CCDC47: variants seen among roughly 807,000 people sequenced by gnomAD.
The protein encoded by CCDC47 is coiled-coil domain containing 47, also known as PAT complex subunit CCDC47.
A neutral mutation model predicts 60.5 loss-of-function variants in CCDC47; 41 were observed. That is an observed-to-expected ratio of 0.68 (90% CI 0.53 to 0.88). The LOEUF is 0.88. CCDC47 is among the 40% of genes least tolerant of loss of function. The pLI, the probability that CCDC47 is intolerant of heterozygous loss-of-function variation, is 0.00. For synonymous variants in CCDC47, 195 were observed against 190.7 expected (o/e 1.02, Z -0.18); for missense variants, 513 against 580.9 (o/e 0.88, Z 1.20).
chr17:63,756,478 C>A lies in CCDC47; in HGVS notation c.828G>T (p.Met276Ile). 1 of 1,613,410 alleles carries A rather than the reference C, an allele frequency of 6.2e-7. No homozygotes were observed. The highest frequency in any genetic ancestry group is 8.5e-7 in the Non-Finnish European group (1 of 1,179,300). ...RKALVRLQKE[M>I]QDLSEFCSDK... The stretch of plus-strand genomic sequence containing the variant: ...GAGCAACCTGACATACCAAATCCTG[C>A]ATCTCTTTCTGTAGTCGCACCAAGG... The change falls in exon 7 of 13, where the codon ATG becomes ATT. Residue 276 changes from methionine (M) to isoleucine (I), a missense_variant. Met to Ile is a conservative substitution (Grantham distance 10). Coordinates refer to ENST00000225726, the MANE Select transcript of CCDC47 (RefSeq NM_020198.3).
intron 9 of CCDC47, 96 bp downstream of exon 9, chr17:63,754,337 C>T: frequency 1.3e-6 from 1 of 742,134 alleles, no homozygotes; most frequent in Admixed American, 2.5e-5. Context: ...TTCCTTCACA[C>T]ATTTGGTAAG....
chr17:63,754,664 G>C (rs1455613333), intron 8 of CCDC47, 146 bp from the exon 9 acceptor site: 8 of 552,838 alleles, frequency 1.4e-5, no homozygotes, highest in Non-Finnish European at 2.3e-5. Context: ...CTTGAGGCAA[G>C]GAGTTTGAGA....
At chr17:63,760,062 C>CAAAAAAAAAAAAAAA (rs10643408) in intron 6 of CCDC47, among the ~76,000 whole-genome samples, 3 of 98,456 alleles carry the variant, frequency 3.0e-5, no homozygotes, top group Admixed American at 2.4e-4. Context: ...GACTCCGTCT[C>CAAAAAAAAAAAAAAA]AAAAAAAAAA....
intron 1 of CCDC47, 73 bp from the exon 2 acceptor site, chr17:63,766,267 A>G: frequency 7.3e-7 from 1 of 1,374,094 alleles, no homozygotes; most frequent in Non-Finnish European, 9.8e-7. Context: ...AACAGTAAAA[A>G]TCTATAAACC....
chr17:63,752,060 G>T lies in CCDC47; in HGVS notation c.1251C>A (p.Phe417Leu), dbSNP rs1040063367. ...DKNRARVEEN[F>L]LKLTHVQRQE... ...GTCTTTGCACATGTGTCAGTTTCAA[G>T]AAGTTCTCTTCTACTCGGGCACGGT... Residue 417 changes from phenylalanine (F) to leucine (L), a missense_variant, in exon 12 of 13, where the codon TTC becomes TTA. Phe to Leu is a conservative substitution (Grantham distance 22). Transcript: ENST00000225726. 1 of 1,613,516 alleles carries T rather than the reference G, an allele frequency of 6.2e-7. No homozygotes were observed. Among genetic ancestry groups the T allele is most frequent in the South Asian group, 1.1e-5 (1 of 91,062 alleles).
rs770557314 is a variant in CCDC47 at position 63,746,833 on chromosome 17, AAT to A, written c.*46_*47del. The A allele has an allele frequency of 5.1e-5, 70 of 1,377,402 alleles. No individual in the cohort carries two copies. The highest frequency in any genetic ancestry group is 6.7e-5 in the Non-Finnish European group (65 of 966,108). 85.3% of individuals were successfully genotyped at this position (1,377,402 alleles called of 1,614,324 possible). A position where few individuals can be genotyped will look rare whatever the true frequency, so the allele number is the denominator to read the frequency against. On this transcript the variant is annotated 3_prime_UTR_variant, in exon 13 of 13. Coordinates refer to ENST00000225726, the MANE Select transcript of CCDC47 (RefSeq NM_020198.3). ...ACTGGCGTTTTTCATGTTTCCTGTG[AAT>A]TCAGAGCTTACAGGTGGCATCAGAA...
rs2039173735 is a variant in CCDC47, at chr17:63,752,371, G to A, written c.1152C>T (p.Asn384=). The A allele has an allele frequency of 3.7e-6, 6 of 1,613,888 alleles. No homozygotes were observed. Among genetic ancestry groups the A allele is most frequent in the Admixed American group, 1.7e-5 (1 of 59,980 alleles). ...KDMEALLPLM[N]MVIYSIDKAK... Reference sequence around the variant, plus strand: ...CTTTATCAATAGAATAAATCACCATGTTCATCAGGGGTAGCAGTGCCTCCA... The same window carrying A: ...CTTTATCAATAGAATAAATCACCATATTCATCAGGGGTAGCAGTGCCTCCA... The change falls in exon 11 of 13, where the codon AAC becomes AAT. Residue 384 remains asparagine (N), a synonymous_variant. Coordinates refer to ENST00000225726, the MANE Select transcript of CCDC47 (RefSeq NM_020198.3).
intron 6 of CCDC47, among the ~76,000 whole-genome samples, chr17:63,758,501 C>T (rs1477432458): frequency 1.4e-5 from 2 of 145,454 alleles, no homozygotes; most frequent in South Asian, 2.4e-4. Flanking sequence ...TAGCAAATCT[C>T]GGTCTCTAGA....
At chr17:63,761,011 A>G in intron 5 of CCDC47, 32 bp from the exon 6 acceptor site, 1 of 1,552,928 alleles carries the variant, frequency 6.4e-7, no homozygotes, top group Non-Finnish European at 8.9e-7. Context: ...AGTAAATCCA[A>G]CTGCAACTCC....
intron 6 of CCDC47, among the ~76,000 whole-genome samples, chr17:63,760,690 T>C (rs755844590): frequency 6.6e-6 from 1 of 151,732 alleles, no homozygotes. Context: ...AATACAAAAA[T>C]TGGCCAGGCG....
At chr17:63,756,173 A>C in intron 8 of CCDC47, 67 bp downstream of exon 8, 1 of 1,021,940 alleles carries the variant, frequency 9.8e-7, no homozygotes, top group East Asian at 2.4e-5. Flanking sequence ...TTGTACAATG[A>C]GACTTTTAGG....
intron 12 of CCDC47, among the ~76,000 whole-genome samples, chr17:63,751,452 AC>A (rs1171529829): frequency 6.6e-6 from 1 of 150,562 alleles, no homozygotes; most frequent in Non-Finnish European, 1.5e-5. Flanking sequence ...ATCAGATCAT[AC>A]CGAGCTTTCA....
intron 6 of CCDC47, among the ~76,000 whole-genome samples, chr17:63,760,281 T>C (rs961012471): frequency 6.6e-6 from 1 of 152,040 alleles, no homozygotes. Context: ...TAAAAACATA[T>C]ACAAGGAGCC....
chr17:63,754,496 T>G lies in CCDC47; in HGVS notation c.971A>C (p.Tyr324Ser), dbSNP rs141041702. The change falls in exon 9 of 13, where the codon TAT (tyrosine) becomes TCT (serine). Residue 324 changes from tyrosine (Y) to serine (S), a missense_variant. By Grantham distance (144) the Tyr-to-Ser change is moderately radical (BLOSUM62 -2). Coordinates refer to ENST00000225726, the MANE Select transcript of CCDC47 (RefSeq NM_020198.3). ...ATGAACAGATTCAATCTTGTCAGCA[T>G]AGTGTGTAAGAAAGTGAACCATCTG... ...DTKMVHFLTHYADKIESVHFS... is the reference protein window; with the variant it reads ...DTKMVHFLTHSADKIESVHFS... 6.2e-7 allele frequency: 1 copy of G among 1,608,430 alleles called. No homozygotes were observed. Among genetic ancestry groups the G allele is most frequent in the Non-Finnish European group, 8.5e-7 (1 of 1,176,958 alleles).
In CCDC47 at chr17:63,754,642, G is replaced by A. The variant is rs1377203423; in HGVS notation, c.949-124C>T. 4 of 587,562 alleles carry A rather than the reference G, an allele frequency of 6.8e-6. No individual in the cohort carries two copies. In the East Asian group the frequency reaches 1.3e-4, roughly 19 times the overall value. 36.4% of individuals were successfully genotyped at this position (587,562 alleles called of 1,614,324 possible). ...ACCAGTAATCCCCGCACTTTGGGAG[G>A]CAGGTGGATTACTTGAGGCAAGGAG... On this transcript the variant is annotated intron_variant, in intron 8 of 12. Coordinates refer to ENST00000225726, the MANE Select transcript of CCDC47 (RefSeq NM_020198.3).
intron 7 of CCDC47, 49 bp from the exon 8 acceptor site, chr17:63,756,399 T>C (rs2039207198): frequency 6.3e-7 from 1 of 1,581,226 alleles, no homozygotes; most frequent in Admixed American, 1.7e-5. Context: ...TATTATGCAA[T>C]GAAGCTGAAT....
intron 1 of CCDC47, among the ~76,000 whole-genome samples, chr17:63,767,794 A>G (rs896528561): frequency 6.6e-6 from 1 of 152,188 alleles, no homozygotes; most frequent in South Asian, 2.1e-4. Context: ...CCCTGCCTAT[A>G]GTCATCTCAA....
At chr17:63,771,979 C>T (rs2039345501) in intron 1 of CCDC47, among the ~76,000 whole-genome samples, 2 of 151,788 alleles carry the variant, frequency 1.3e-5, no homozygotes, top group Non-Finnish European at 2.9e-5. Flanking sequence ...CTACTCGGGA[C>T]GCTGAGGCAG....
chr17:63,756,607 G>A (rs781503704), intron 6 of CCDC47, 37 bp from the exon 7 acceptor site: 25 of 1,429,432 alleles, frequency 1.7e-5, no homozygotes, highest in African/African-American at 2.8e-5. Context: ...AAATTCACCT[G>A]TTAGGTTCTG....
Sources: allele counts gnomAD v4.1 joint callset (sites outside exome capture counted in the v4.1 genomes callset), GRCh38; gene constraint gnomAD v4.1.1; transcripts MANE v1.5; gene names NCBI Gene and HGNC (gene_info 2026-07-23, HGNC 2026-07-21).